Variants in SCAI observed in about 807,000 individuals in gnomAD.
SCAI encodes protein SCAI.
Under a neutral mutation model 92.2 loss-of-function variants are expected in SCAI, and 24 were observed. The observed-to-expected ratio is 0.26, with a 90% CI of 0.19 to 0.37. The LOEUF is 0.37. SCAI is among the 10% of genes least tolerant of loss of function. The pLI is 1.00. For synonymous variants in SCAI, 261 were observed against 258.6 expected (o/e 1.01, Z -0.09); for missense variants, 450 against 736.2 (o/e 0.61, Z 4.50).
At chr9:124,993,032 G>T (rs1832166768) in intron 14 of SCAI, among the ~76,000 whole-genome samples, 1 of 152,218 alleles carries the variant, frequency 6.6e-6, no homozygotes, top group Admixed American at 6.5e-5. Flanking sequence ...GATTGCTAAA[G>T]TACTCTCAAT....
chr9:125,096,921 TCC>T (rs1834569231), intron 2 of SCAI, among the ~76,000 whole-genome samples: 2 of 152,206 alleles, frequency 1.3e-5, no homozygotes, highest in African/African-American at 4.8e-5. Context: ...ATATATATAC[TCC>T]TGACTATTTT....
At chr9:125,035,929 C>T (rs895059842) in intron 3 of SCAI, among the ~76,000 whole-genome samples, 4 of 152,126 alleles carry the variant, frequency 2.6e-5, no homozygotes, top group Admixed American at 1.3e-4. Context: ...CAGCAGCCCT[C>T]GGGGCTGCTC....
At chr9:125,039,302 G>A (rs564284715) in intron 3 of SCAI, among the ~76,000 whole-genome samples, 49 of 149,782 alleles carry the variant, frequency 3.3e-4, no homozygotes, top group African/African-American at 8.4e-4. Flanking sequence ...CCGGAGAATC[G>A]CCTGAATCTG....
chr9:124,998,623 TTTA>T (rs1235987873), intron 13 of SCAI, among the ~76,000 whole-genome samples: 1 of 152,130 alleles, frequency 6.6e-6, no homozygotes, highest in African/African-American at 2.4e-5. Context: ...TTATATAGTT[TTTA>T]TTTTCTCTTT....
At chr9:125,112,366 A>T (rs1349481546) in intron 2 of SCAI, among the ~76,000 whole-genome samples, 6 of 152,220 alleles carry the variant, frequency 3.9e-5, no homozygotes, top group Non-Finnish European at 8.8e-5. Context: ...ACACGGAAAG[A>T]AGAAAATATA....
At chr9:125,009,359 T>C (rs143769593) in intron 9 of SCAI, among the ~76,000 whole-genome samples, 97 of 152,280 alleles carry the variant, frequency 6.4e-4, no homozygotes, top group Middle Eastern at 6.8e-3. Flanking sequence ...AGCCTCCACC[T>C]CCTGGGTCCA....
intron 15 of SCAI, among the ~76,000 whole-genome samples, chr9:124,974,554 AC>A (rs1360368379): frequency 1.3e-5 from 2 of 152,300 alleles, no homozygotes; most frequent in East Asian, 3.9e-4. Context: ...TTTTGCACCC[AC>A]ATGGAAGGCT....
intron 2 of SCAI, among the ~76,000 whole-genome samples, chr9:125,063,110 C>CCCA (rs749108740): frequency 6.9e-6 from 1 of 144,936 alleles, no homozygotes; most frequent in Non-Finnish European, 1.5e-5. Flanking sequence ...CCACCCCCCC[C>CCCA]AGAAAAGGGC....
chr9:124,953,853 GACTC>G (rs1168896346), intron 17 of SCAI, among the ~76,000 whole-genome samples: 1 of 152,064 alleles, frequency 6.6e-6, no homozygotes, highest in African/African-American at 2.4e-5. Context: ...CTACCTATAG[GACTC>G]ACTCACACAT....
intron 17 of SCAI, among the ~76,000 whole-genome samples, chr9:124,970,500 C>T (rs1192947494): frequency 6.6e-6 from 1 of 152,078 alleles, no homozygotes; most frequent in African/African-American, 2.4e-5. Flanking sequence ...GGGTGGATCA[C>T]CTGAGGTCAG....
chr9:125,122,955 G>C (rs10819035), intron 2 of SCAI, among the ~76,000 whole-genome samples: 35,688 of 152,094 alleles, frequency 0.23, 4,708 homozygotes, highest in Non-Finnish European at 0.3. Context: ...TGGACATATA[G>C]ATGCATATTC....
chr9:125,087,703 T>A (rs908113321), intron 2 of SCAI, among the ~76,000 whole-genome samples: 3 of 152,166 alleles, frequency 2.0e-5, no homozygotes, highest in Non-Finnish European at 4.4e-5. Flanking sequence ...TTTCATTATG[T>A]GAAATCTCAT....
chr9:125,139,556 C>T lies in SCAI; in HGVS notation c.98+3077G>A, dbSNP rs930305405. 2.6e-4 allele frequency among the ~76,000 whole-genome samples: 39 copies of T among 152,306 alleles called. 1 individual carries two copies. The highest frequency in any genetic ancestry group is 2.6e-3 in the Admixed American group (39 of 15,294). ...TTGAAGGTTCACCAGAAAGTTAAAT[C>T]ATTTAAAAGTAGACATTTAATAGTT... On this transcript the variant is annotated intron_variant, in intron 2 of 17. Coordinates refer to ENST00000336505, the MANE Select transcript of SCAI (RefSeq NM_001144877.3).
chr9:125,128,272 T>C (rs1420716676), intron 2 of SCAI, among the ~76,000 whole-genome samples: 1 of 151,984 alleles, frequency 6.6e-6, no homozygotes, highest in Non-Finnish European at 1.5e-5. Flanking sequence ...GCTGTGACTG[T>C]GGCACTGCCC....
intron 17 of SCAI, among the ~76,000 whole-genome samples, chr9:124,959,180 C>T (rs1002277431): frequency 6.7e-6 from 1 of 149,524 alleles, no homozygotes; most frequent in African/African-American, 2.5e-5. Context: ...ATGGGTGCAG[C>T]ACACCAACAT....
intron 17 of SCAI, among the ~76,000 whole-genome samples, chr9:124,967,152 A>G (rs186734023): frequency 8.5e-5 from 13 of 152,338 alleles, no homozygotes; most frequent in Admixed American, 4.6e-4. Context: ...GCTTAACCCA[A>G]TAAGTGTACA....
At chr9:125,132,173 G>T (rs1049988519) in intron 2 of SCAI, among the ~76,000 whole-genome samples, 13 of 151,628 alleles carry the variant, frequency 8.6e-5, no homozygotes, top group Admixed American at 3.3e-4. Context: ...GGGTGCAGTG[G>T]CACGATCTTG....
At chr9:125,111,760 C>T (rs1834933521) in intron 2 of SCAI, among the ~76,000 whole-genome samples, 1 of 152,120 alleles carries the variant, frequency 6.6e-6, no homozygotes, top group South Asian at 2.1e-4. Context: ...GGGCCTACAA[C>T]TACCCCAGCT....
rs1831211854 is a variant in SCAI at position 124,950,206 on chromosome 9, T to C, written c.*2601A>G. On this transcript the variant is annotated 3_prime_UTR_variant, in exon 18 of 18. Coordinates refer to ENST00000336505, the MANE Select transcript of SCAI (RefSeq NM_001144877.3). ...TTGTGTACACTACAAACAGGGTAAA[T>C]AGTTCTCTTGGTGGTTGGAGTGGGG... 6.6e-6 allele frequency: 1 copy of C among 152,128 alleles called. No individual in the cohort carries two copies. The highest frequency in any genetic ancestry group is 2.1e-4 in the South Asian group (1 of 4,818). 9.4% of individuals were successfully genotyped at this position (152,128 alleles called of 1,614,324 possible).
Sources: allele counts gnomAD v4.1 joint callset (sites outside exome capture counted in the v4.1 genomes callset), GRCh38; gene constraint gnomAD v4.1.1; transcripts MANE v1.5; gene names NCBI Gene and HGNC (gene_info 2026-07-23, HGNC 2026-07-21).